The following WWOX variants were observed in gnomAD, a reference collection of about 807,000 sequenced individuals.
The protein encoded by WWOX is WW domain containing oxidoreductase.
A neutral mutation model predicts 46.2 loss-of-function variants in WWOX; 69 were observed. The observed-to-expected ratio is 1.49, with a 90% confidence interval of 1.23 to 1.82. The LOEUF (loss-of-function observed/expected upper bound fraction) is 1.82. Ranked by LOEUF, WWOX falls within the 40% of genes most tolerant of loss-of-function variation. WWOX has a pLI of 0.00. For synonymous variants in WWOX, 359 were observed against 202.6 expected (o/e 1.77, Z -6.56); for missense variants, 919 against 542.6 (o/e 1.69, Z -6.89).
chr16:78,418,452 C>G (rs560896544), intron 6 of WWOX, among the ~76,000 whole-genome samples: 1 of 151,968 alleles, frequency 6.6e-6, no homozygotes, highest in African/African-American at 2.4e-5. Context: ...CCATCTGACA[C>G]TGTGAAGCCA....
At chr16:79,010,935 G>A (rs537848811) in intron 8 of WWOX, among the ~76,000 whole-genome samples, 63 of 151,986 alleles carry the variant, frequency 4.1e-4, no homozygotes, top group Admixed American at 9.8e-4. Context: ...TCCTGCCATG[G>A]CTTTGGTTTC....
intron 8 of WWOX, among the ~76,000 whole-genome samples, chr16:78,663,048 C>T (rs1456647326): frequency 6.6e-6 from 1 of 152,128 alleles, no homozygotes; most frequent in Non-Finnish European, 1.5e-5. Context: ...GTGGACAATT[C>T]ATTGGCTTAT....
At chr16:78,840,815 T>C (rs1016760635) in intron 8 of WWOX, among the ~76,000 whole-genome samples, 2 of 150,802 alleles carry the variant, frequency 1.3e-5, no homozygotes, top group Admixed American at 1.3e-4. Flanking sequence ...GTATATATAT[T>C]TGTGGTCTGT....
rs147474272 is a variant in WWOX, at chr16:78,579,769, A to AGAAAT, written c.1056+147020_1056+147024dup. 4.5e-3 allele frequency among the ~76,000 whole-genome samples: 680 copies of AGAAAT among 152,304 alleles called. 7 individuals are homozygous for AGAAAT. Among genetic ancestry groups the AGAAAT allele is most frequent in the African/African-American group, 0.016 (649 of 41,546 alleles). ...TCATCTGCCTTGCTAGGTAGTTGTGAGAAATGAGGAGATAATATCTTTAAA... is the reference window on the plus strand; with the variant it reads ...TCATCTGCCTTGCTAGGTAGTTGTGAGAAATGAAATGAGGAGATAATATCTTTAAA... On this transcript the variant is annotated intron_variant, in intron 8 of 8. Transcript: ENST00000566780.
At chr16:78,939,762 G>T (rs1013956339) in intron 8 of WWOX, among the ~76,000 whole-genome samples, 1 of 152,200 alleles carries the variant, frequency 6.6e-6, no homozygotes, top group African/African-American at 2.4e-5. Context: ...CCCTTTTAAT[G>T]ACAACTTCAG....
At chr16:78,569,197 G>A (rs1303626387) in intron 8 of WWOX, among the ~76,000 whole-genome samples, 3 of 152,180 alleles carry the variant, frequency 2.0e-5, no homozygotes, top group East Asian at 1.9e-4. Context: ...TAGCAAAGAT[G>A]TACTGTTTCC....
intron 8 of WWOX, among the ~76,000 whole-genome samples, chr16:79,117,852 T>C (rs1441538034): frequency 6.6e-6 from 1 of 152,188 alleles, no homozygotes; most frequent in African/African-American, 2.4e-5. Flanking sequence ...CACACAATTA[T>C]AGAGAGTGAG....
At chr16:78,529,560 G>A (rs952187885) in intron 8 of WWOX, among the ~76,000 whole-genome samples, 1 of 151,892 alleles carries the variant, frequency 6.6e-6, no homozygotes, top group African/African-American at 2.4e-5. Flanking sequence ...TCCGCCTCTC[G>A]AGTTCAAGCG....
chr16:78,205,224 A>T (rs1215156937), intron 5 of WWOX, among the ~76,000 whole-genome samples: 1 of 152,104 alleles, frequency 6.6e-6, no homozygotes, highest in Non-Finnish European at 1.5e-5. Context: ...GTCATGGAAG[A>T]CTTTGTGGAA....
At chr16:78,576,700 C>T (rs756614952) in intron 8 of WWOX, among the ~76,000 whole-genome samples, 13 of 152,088 alleles carry the variant, frequency 8.5e-5, no homozygotes, top group Non-Finnish European at 1.8e-4. Flanking sequence ...GGCATGATGG[C>T]TCATAGGTGT....
intron 4 of WWOX, among the ~76,000 whole-genome samples, chr16:78,138,274 A>G (rs1003508545): frequency 2.7e-5 from 4 of 150,770 alleles, no homozygotes; most frequent in African/African-American, 9.8e-5. Context: ...TTTTAGTTTA[A>G]TTAAAATTAT....
intron 5 of WWOX, among the ~76,000 whole-genome samples, chr16:78,383,069 T>A (rs1803083113): frequency 1.3e-5 from 2 of 150,108 alleles, no homozygotes; most frequent in Non-Finnish European, 1.5e-5. Flanking sequence ...GCATACTGGA[T>A]CACGAGACAG....
intron 4 of WWOX, among the ~76,000 whole-genome samples, chr16:78,159,671 G>GTTTTTTTTTTTTTTTTT (rs1343670783): frequency 1.2e-5 from 1 of 84,600 alleles, no homozygotes; most frequent in Non-Finnish European, 2.3e-5. Flanking sequence ...TAAAATCTGT[G>GTTTTTTTTTTTTTTTTT]GTTTTTTTTT....
intron 8 of WWOX, among the ~76,000 whole-genome samples, chr16:79,061,120 G>A (rs762967405): frequency 2.0e-5 from 3 of 152,190 alleles, no homozygotes; most frequent in African/African-American, 4.8e-5. Flanking sequence ...TGGCCATGGT[G>A]CTCACAGTCT....
chr16:78,971,796 T>G (rs1431130867), intron 8 of WWOX, among the ~76,000 whole-genome samples: 1 of 141,562 alleles, frequency 7.1e-6, no homozygotes, highest in Admixed American at 7.0e-5. Context: ...GATTTTCACA[T>G]GCACATCTGT....
intron 1 of WWOX, among the ~76,000 whole-genome samples, chr16:78,102,541 C>T (rs563782150): frequency 2.0e-5 from 3 of 152,366 alleles, no homozygotes; most frequent in Admixed American, 6.5e-5. Context: ...AGGCAAGCTC[C>T]TGAGCGGGCA....
intron 8 of WWOX, among the ~76,000 whole-genome samples, chr16:78,662,061 T>TGTA (rs891714026): frequency 1.7e-4 from 26 of 151,772 alleles, no homozygotes; most frequent in Admixed American, 2.6e-4. Context: ...TGATAATAAT[T>TGTA]GTAGTAGTAG....
At chr16:78,882,104 T>TG (rs1167901152) in intron 8 of WWOX, among the ~76,000 whole-genome samples, 1 of 152,130 alleles carries the variant, frequency 6.6e-6, no homozygotes, top group East Asian at 1.9e-4. Flanking sequence ...CCAGCCTGGG[T>TG]GACAGAGCAA....
At chr16:78,697,316 G>A (rs146380462) in intron 8 of WWOX, among the ~76,000 whole-genome samples, 7 of 152,178 alleles carry the variant, frequency 4.6e-5, no homozygotes, top group Non-Finnish European at 1.0e-4. Context: ...CCGCATTCAC[G>A]CCAATATCTA....
Sources: gnomAD v4.1 joint callset for allele counts (sites outside exome capture counted in the v4.1 genomes callset) on GRCh38, gnomAD v4.1.1 for gene constraint, MANE v1.5 for transcripts, NCBI Gene and HGNC (gene_info 2026-07-23, HGNC 2026-07-21) for gene names.